Variants in SHC3 observed in about 807,000 individuals in gnomAD.
SHC3 encodes the protein SHC adaptor protein 3.
In SHC3, 15 loss-of-function variants were observed where a neutral mutation model predicts 60.4. The observed-to-expected ratio is 0.25, with a 90% CI of 0.17 to 0.38. The LOEUF (loss-of-function observed/expected upper bound fraction) is 0.38. Among genes scored for constraint, SHC3 ranks in the 10% least tolerant of loss-of-function variants. SHC3 has a pLI of 1.00. For missense variants in SHC3, 677 were observed against 786.1 expected (o/e 0.86, Z 1.66); for synonymous variants, 294 against 325.9 (o/e 0.90, Z 1.05).
In SHC3 at chr9:89,007,723, CCTT is replaced by C. The variant is rs1254258444; in HGVS notation, c.*5721_*5723del. 1 of 152,308 alleles carries C rather than the reference CCTT, an allele frequency of 6.6e-6. No homozygotes were observed. Among genetic ancestry groups the C allele is most frequent in the African/African-American group, 2.4e-5 (1 of 41,448 alleles). 9.4% of individuals were successfully genotyped at this position (152,308 alleles called of 1,614,324 possible). On this transcript the variant is annotated 3_prime_UTR_variant, in exon 12 of 12. Coordinates refer to ENST00000375835, the MANE Select transcript of SHC3 (RefSeq NM_016848.6). ...CTGGACTTGTTTTATCCTCCCCTTC[CCTT>C]CTTCTCACCTTTATTCTGCCTCCAC...
intron 6 of SHC3, among the ~76,000 whole-genome samples, chr9:89,055,269 T>C (rs573825246): frequency 6.6e-6 from 1 of 152,340 alleles, no homozygotes; most frequent in South Asian, 2.1e-4. Context: ...GCCCAGAGGC[T>C]AGTAGCTGCT....
chr9:89,057,744 GA>G (rs1452102039), intron 6 of SHC3, among the ~76,000 whole-genome samples: 1 of 152,146 alleles, frequency 6.6e-6, no homozygotes, highest in Non-Finnish European at 1.5e-5. Flanking sequence ...AGTGGACACT[GA>G]AAATAAATAA....
At chr9:89,116,860 C>A (rs1826026489) in intron 1 of SHC3, among the ~76,000 whole-genome samples, 1 of 151,760 alleles carries the variant, frequency 6.6e-6, no homozygotes, top group African/African-American at 2.4e-5. Context: ...CTGTTTATAC[C>A]ACATCCACCA....
At chr9:89,148,356 A>G (rs1826499576) in intron 1 of SHC3, among the ~76,000 whole-genome samples, 1 of 152,258 alleles carries the variant, frequency 6.6e-6, no homozygotes. Context: ...GAAAGAAAGG[A>G]GTAAAAAGTG....
chr9:89,120,375 C>T (rs1394718249), intron 1 of SHC3, among the ~76,000 whole-genome samples: 7 of 152,024 alleles, frequency 4.6e-5, no homozygotes. Flanking sequence ...ATTAAGTCAG[C>T]CCATCAACTC....
chr9:89,167,305 C>T (rs1826803528), intron 1 of SHC3, among the ~76,000 whole-genome samples: 3 of 152,220 alleles, frequency 2.0e-5, no homozygotes, highest in Admixed American at 6.5e-5. Context: ...AGTCACAGCT[C>T]AGTTCTCTAG....
chr9:89,119,617 G>T (rs567263482), intron 1 of SHC3, among the ~76,000 whole-genome samples: 37 of 152,116 alleles, frequency 2.4e-4, no homozygotes, highest in Admixed American at 1.1e-3. Context: ...AAAGGTGAGT[G>T]AATAAAAGAA....
intron 2 of SHC3, among the ~76,000 whole-genome samples, chr9:89,099,798 T>A (rs1196624505): frequency 1.3e-5 from 2 of 152,234 alleles, no homozygotes; most frequent in African/African-American, 4.8e-5. Context: ...CATCTTGGAA[T>A]TAAAATGTGA....
rs371108020 is a variant in SHC3 at position 89,046,918 on chromosome 9, T to C, written c.1039A>G (p.Ser347Gly). ...AAGCCCCCTGGAGGAGGCATCTTGC[T>C]TGGGATGCTGTTGTAGTATGGGTGG... is the stretch of plus-strand genomic sequence containing the variant. ...SDHPYYNSIPSKMPPPGGFLD... is the reference protein window; with the variant it reads ...SDHPYYNSIPGKMPPPGGFLD... Residue 347 changes from serine (S) to glycine (G), a missense_variant, in exon 8 of 12, where the codon AGC (serine) becomes GGC (glycine). By Grantham distance (56) the Ser-to-Gly change is moderately conservative. Transcript: ENST00000375835. The C allele has an allele frequency of 2.5e-6, 4 of 1,611,530 alleles. No individual in the cohort carries two copies. The African/African-American group carries it at 4.0e-5, about 16-fold the overall frequency.
intron 1 of SHC3, among the ~76,000 whole-genome samples, chr9:89,140,335 T>TTC (rs1554700297): frequency 8.1e-5 from 12 of 147,764 alleles, no homozygotes; most frequent in Non-Finnish European, 1.6e-4. Flanking sequence ...GCAAACAGAT[T>TTC]CCCCCCCCCA....
At chr9:89,088,998 T>G (rs1260965203) in intron 2 of SHC3, 5 of 152,290 alleles carry the variant, frequency 3.3e-5, no homozygotes, top group Non-Finnish European at 7.3e-5. Context: ...GTTCCTCATC[T>G]GCAAAGCTTC....
chr9:89,069,234 G>C (rs1825231902), intron 5 of SHC3, among the ~76,000 whole-genome samples: 5 of 152,156 alleles, frequency 3.3e-5, no homozygotes, highest in Admixed American at 3.3e-4. Flanking sequence ...ACTTAAACCT[G>C]GGAGGTCAAG....
intron 6 of SHC3, among the ~76,000 whole-genome samples, chr9:89,064,419 G>C (rs137909199): frequency 6.6e-6 from 1 of 152,146 alleles, no homozygotes; most frequent in Non-Finnish European, 1.5e-5. Context: ...TTCCCATGTC[G>C]CTGGACAGGA....
intron 2 of SHC3, among the ~76,000 whole-genome samples, chr9:89,095,671 T>C (rs1825690790): frequency 6.6e-6 from 1 of 152,086 alleles, no homozygotes; most frequent in South Asian, 2.1e-4. Context: ...AAAACCATTA[T>C]TCCCGGGAAA....
intron 11 of SHC3, among the ~76,000 whole-genome samples, chr9:89,017,279 G>A (rs1301182630): frequency 1.3e-5 from 2 of 152,128 alleles, no homozygotes; most frequent in African/African-American, 4.8e-5. Context: ...AAAACAGCAC[G>A]GTACTAGTAC....
chr9:89,089,036 T>C (rs1475243466), intron 2 of SHC3: 2 of 152,236 alleles, frequency 1.3e-5, no homozygotes, highest in Non-Finnish European at 2.9e-5. Context: ...CCTGCAAGTA[T>C]TTATTTAGAC....
At chr9:89,133,766 T>C (rs1481857495) in intron 1 of SHC3, among the ~76,000 whole-genome samples, 1 of 151,196 alleles carries the variant, frequency 6.6e-6, no homozygotes, top group Non-Finnish European at 1.5e-5. Context: ...TGTCATGGGG[T>C]GGGGGGAGCT....
chr9:89,160,206 C>T (rs927723823), intron 1 of SHC3, among the ~76,000 whole-genome samples: 2 of 152,202 alleles, frequency 1.3e-5, no homozygotes, highest in African/African-American at 2.4e-5. Context: ...CACATCTTCC[C>T]CATCCCCTTG....
In SHC3 at chr9:89,178,062, C is replaced by T; in HGVS notation, c.399G>A (p.Pro133=). Residue 133 remains proline, a synonymous_variant, in exon 1 of 12, where the codon CCG becomes CCA. Transcript: ENST00000375835. This position sits in a 1 kb window ranked among gnomAD's most constrained non-coding sequence, Gnocchi z 6.9. ...GCGCCCCCCGAGGGGGCCTGGGCAG[C>T]GGCTCGTCGCCGGGCCGGCCCTTCC... ...AARKGRPGDE[P]LPRPPRGAPH... is the part of the protein sequence containing the mutation. 1 of 1,210,778 alleles carries T rather than the reference C, an allele frequency of 8.3e-7. No individual in the cohort carries two copies. 75.0% of individuals were successfully genotyped at this position (1,210,778 alleles called of 1,614,324 possible).
Sources: allele counts gnomAD v4.1 joint callset (sites outside exome capture counted in the v4.1 genomes callset), GRCh38; gene constraint gnomAD v4.1.1; non-coding constraint Gnocchi (gnomAD v3.1); transcripts MANE v1.5; gene names NCBI Gene and HGNC (gene_info 2026-07-23, HGNC 2026-07-21).